Variants in AKAP19 observed in about 807,000 individuals in gnomAD.
The protein encoded by AKAP19 is A-kinase anchoring protein 19, also known as small A-kinase anchoring protein.
At chr2:189,931,584 T>G in the AKAP19 span, among the ~76,000 whole-genome samples, 1 of 152,136 alleles carries the variant, frequency 6.6e-6, no homozygotes, top group Non-Finnish European at 1.5e-5. Context: ...CAGGCTGGTC[T>G]CGAACTCCTG....
chr2:190,020,326 A>G, the AKAP19 span, among the ~76,000 whole-genome samples: 1 of 152,238 alleles, frequency 6.6e-6, no homozygotes, highest in Non-Finnish European at 1.5e-5. Flanking sequence ...AAATCTTTAT[A>G]CTATTAAGAT....
the AKAP19 span, among the ~76,000 whole-genome samples, chr2:190,175,961 C>A: frequency 2.0e-5 from 3 of 152,176 alleles, no homozygotes; most frequent in African/African-American, 7.2e-5. Context: ...TGGCATTTAG[C>A]TAGGGTTCCC....
chr2:190,153,886 A>G, the AKAP19 span, among the ~76,000 whole-genome samples: 1 of 152,176 alleles, frequency 6.6e-6, no homozygotes, highest in Non-Finnish European at 1.5e-5. Context: ...CATCAATGTT[A>G]TAACTTATAG....
At chr2:189,953,696 C>G in the AKAP19 span, among the ~76,000 whole-genome samples, 1 of 151,622 alleles carries the variant, frequency 6.6e-6, no homozygotes, top group Non-Finnish European at 1.5e-5. Context: ...TTCATTTCTC[C>G]CAACAATCTA....
chr2:189,984,792 A>T, the AKAP19 span, among the ~76,000 whole-genome samples: 1 of 152,192 alleles, frequency 6.6e-6, no homozygotes, highest in Non-Finnish European at 1.5e-5. Context: ...TTCTTCTGTC[A>T]TGGCTTCAGC....
chr2:190,098,494 T>G, the AKAP19 span, among the ~76,000 whole-genome samples: 1 of 152,182 alleles, frequency 6.6e-6, no homozygotes, highest in African/African-American at 2.4e-5. Flanking sequence ...AAATAGTCAG[T>G]AAACAGAGAT....
the AKAP19 span, among the ~76,000 whole-genome samples, chr2:189,953,488 G>A: frequency 6.6e-6 from 1 of 151,824 alleles, no homozygotes; most frequent in Non-Finnish European, 1.5e-5. Flanking sequence ...TACAAAATTA[G>A]CCAGGCATGG....
the AKAP19 span, among the ~76,000 whole-genome samples, chr2:190,150,990 AT>A: frequency 6.6e-6 from 1 of 152,084 alleles, no homozygotes; most frequent in African/African-American, 2.4e-5. Context: ...TGAACTATTC[AT>A]TCATATTCTT....
chr2:190,008,690 G>A, the AKAP19 span, among the ~76,000 whole-genome samples: 1 of 151,508 alleles, frequency 6.6e-6, no homozygotes, highest in Non-Finnish European at 1.5e-5. Flanking sequence ...GATACTTTAT[G>A]AGTTTCTTGG....
At chr2:190,100,582 A>T in the AKAP19 span, among the ~76,000 whole-genome samples, 4 of 152,234 alleles carry the variant, frequency 2.6e-5, no homozygotes, top group African/African-American at 9.6e-5. Flanking sequence ...GCCAAGGCTT[A>T]AAAAAGTAGA....
At chr2:189,945,456 T>C in the AKAP19 span, among the ~76,000 whole-genome samples, 1 of 152,216 alleles carries the variant, frequency 6.6e-6, no homozygotes, top group Non-Finnish European at 1.5e-5. Flanking sequence ...GACAGCTTAA[T>C]TACAACTTCA....
the AKAP19 span, chr2:190,199,900 A>G: frequency 6.2e-7 from 1 of 1,613,890 alleles, no homozygotes; most frequent in Non-Finnish European, 8.5e-7. Context: ...CCCATTTCCT[A>G]CCATATATGA....
At chr2:189,919,312 C>T in the AKAP19 span, among the ~76,000 whole-genome samples, 22 of 152,120 alleles carry the variant, frequency 1.4e-4, no homozygotes, top group Admixed American at 3.3e-4. Flanking sequence ...TGTCTTGGAA[C>T]TAAAAGTGAT....
At chr2:190,141,582 G>C in the AKAP19 span, among the ~76,000 whole-genome samples, 1 of 152,130 alleles carries the variant, frequency 6.6e-6, no homozygotes, top group Non-Finnish European at 1.5e-5. Context: ...CAGATCTCAT[G>C]AGAACTCATT....
chr2:190,199,573 T>G, the AKAP19 span: 2 of 392,558 alleles, frequency 5.1e-6, no homozygotes, highest in Non-Finnish European at 8.4e-6. Flanking sequence ...AAGATAAAGC[T>G]GTTTGTTTTT....
the AKAP19 span, among the ~76,000 whole-genome samples, chr2:190,073,821 G>C: frequency 1.3e-5 from 2 of 151,902 alleles, no homozygotes; most frequent in Admixed American, 1.3e-4. Context: ...GGAGGCCAAG[G>C]TGATGGATCA....
the AKAP19 span, among the ~76,000 whole-genome samples, chr2:189,958,111 G>C: frequency 6.6e-6 from 1 of 152,098 alleles, no homozygotes; most frequent in Non-Finnish European, 1.5e-5. Context: ...ACATGTAATT[G>C]ACAAAGATAT....
At chr2:189,992,829 G>T in the AKAP19 span, among the ~76,000 whole-genome samples, 1 of 152,112 alleles carries the variant, frequency 6.6e-6, no homozygotes, top group Non-Finnish European at 1.5e-5. Context: ...GTTGTTGGTG[G>T]TGTATACCAG....
the AKAP19 span, among the ~76,000 whole-genome samples, chr2:190,070,410 T>C: frequency 1.8e-4 from 27 of 152,038 alleles, no homozygotes; most frequent in African/African-American, 6.5e-4. Context: ...GAATTTCTAA[T>C]TAGTTCAGAA....
Sources: allele counts gnomAD v4.1 joint callset (sites outside exome capture counted in the v4.1 genomes callset), GRCh38; gene constraint gnomAD v4.1.1; transcripts MANE v1.5; gene names NCBI Gene and HGNC (gene_info 2026-07-23, HGNC 2026-07-21).